NOD2: variants seen among roughly 807,000 people sequenced by gnomAD.
NOD2 encodes the protein nucleotide-binding oligomerization domain-containing protein 2.
Under a neutral mutation model 90.9 loss-of-function variants are expected in NOD2, and 86 were observed. The observed-to-expected ratio is 0.95, with a 90% CI of 0.79 to 1.13. NOD2 has a LOEUF of 1.13. Ranked by LOEUF, NOD2 falls within the 50% of genes most tolerant of loss-of-function variation. The pLI is 0.00. For missense variants in NOD2, 1,238 were observed against 1,283.8 expected, an observed-to-expected ratio of 0.96 and a Z score of 0.55; for synonymous variants, 581 against 554.6, an observed-to-expected ratio of 1.05 and a Z score of -0.67.
intron 1 of NOD2, among the ~76,000 whole-genome samples, chr16:50,698,787 G>A (rs376046558): frequency 2.0e-5 from 3 of 152,314 alleles, no homozygotes; most frequent in East Asian, 1.9e-4. Context: ...GGCACTTGGT[G>A]TGTAGTTTAT....
At chr16:50,722,157 G>T (rs185799967) in intron 7 of NOD2, among the ~76,000 whole-genome samples, 2 of 152,320 alleles carry the variant, frequency 1.3e-5, no homozygotes, top group Admixed American at 1.3e-4. Context: ...AGCTGATGGC[G>T]TGAAGGAATT....
intron 6 of NOD2, among the ~76,000 whole-genome samples, chr16:50,718,321 GGA>G (rs1431647492): frequency 2.0e-5 from 3 of 152,214 alleles, no homozygotes; most frequent in African/African-American, 7.2e-5. Context: ...CTGGATGTCA[GGA>G]GCAGACGATC....
At position 50,722,608 on chromosome 16, in the gene NOD2, T is replaced by C; in HGVS notation, c.2634-14T>C. On this transcript the variant is annotated splice_polypyrimidine_tract_variant and intron_variant, in intron 7 of 11. Transcript: ENST00000647318. ...CTCACTGACACTGTCTGTTGACTCT[T>C]TTGGCCTTTTCAGATTCTGGGGCAA... The C allele has an allele frequency of 1.2e-6, 2 of 1,613,548 alleles. No individual in the cohort carries two copies. The highest frequency in any genetic ancestry group is 1.1e-5 in the South Asian group (1 of 91,068).
Position 50,711,621 on chromosome 16 carries a change from C to T in NOD2, c.1629C>T (p.Leu543=). ...MCCYVFSAQQ[L]QAAQVSPDDI... is the part of the protein sequence containing the mutation. ...GCTACGTGTTCTCAGCCCAGCAGCT[C>T]CAGGCAGCACAGGTCAGCCCTGATG... is the stretch of plus-strand genomic sequence containing the variant. Residue 543 remains leucine (L), a synonymous_variant, in exon 4 of 12, where the codon CTC becomes CTT. Coordinates refer to ENST00000647318, the MANE Select transcript of NOD2 (RefSeq NM_001370466.1). 1 of 1,612,164 alleles carries T rather than the reference C, an allele frequency of 6.2e-7. No individual in the cohort carries two copies.
Position 50,707,991 on chromosome 16 carries a change from G to A in NOD2, c.565+31G>A, listed in dbSNP as rs201146502. ...TGTATGTTCTCAGTTAATCAGAAAGGGAAGGGCAGTCAGTGCAGATCCATG... is the reference window on the plus strand; with the variant it reads ...TGTATGTTCTCAGTTAATCAGAAAGAGAAGGGCAGTCAGTGCAGATCCATG... On this transcript the variant is annotated intron_variant, in intron 3 of 11. Coordinates refer to ENST00000647318, the MANE Select transcript of NOD2 (RefSeq NM_001370466.1). 1.0e-3 allele frequency: 1,511 copies of A among 1,457,034 alleles called. 2 individuals are homozygous for A. Among genetic ancestry groups the A allele is most frequent in the Non-Finnish European group, 1.3e-3 (1,390 of 1,036,866 alleles). The allele number at this position is 1,457,034 out of a possible 1,614,324, so 90.3% of individuals were successfully genotyped here. A position where few individuals can be genotyped will look rare whatever the true frequency, so the allele number is the denominator to read the frequency against.
At chr16:50,694,845 A>G (rs1041598272) in intron 1 of NOD2, among the ~76,000 whole-genome samples, 3 of 152,172 alleles carry the variant, frequency 2.0e-5, no homozygotes, top group African/African-American at 7.2e-5. Context: ...ATGGACAGCA[A>G]TGAAATAAGT....
At chr16:50,725,657 G>T in intron 10 of NOD2, 85 bp downstream of exon 10, 1 of 1,056,292 alleles carries the variant, frequency 9.5e-7, no homozygotes, top group Non-Finnish European at 1.5e-6. Context: ...GCCGCTCTCC[G>T]CTGGGCTAAC....
chr16:50,704,296 C>T (rs891924250), intron 2 of NOD2, among the ~76,000 whole-genome samples: 2 of 152,166 alleles, frequency 1.3e-5, no homozygotes, highest in African/African-American at 4.8e-5. Flanking sequence ...AATCCTATGG[C>T]CTCTTCTTCC....
In NOD2 at chr16:50,699,652, C is replaced by A. The variant is rs370734707; in HGVS notation, c.157C>A (p.Pro53Thr). Residue 53 changes from proline to threonine, a missense_variant, in exon 2 of 12, where the codon CCT becomes ACT. Around this residue, in one of 3 missense-constraint regions of NOD2, gnomAD observed 567 missense variants for 577.3 expected, o/e 0.98. Coordinates refer to ENST00000647318, the MANE Select transcript of NOD2 (RefSeq NM_001370466.1). ...CGAGGGCTTCCACCTCCTGGGCCAG[C>A]CTCTCTCCCACTTGGCCAGGCGCCT... is the stretch of plus-strand genomic sequence containing the variant. Reference protein sequence around the residue: ...DYEGFHLLGQPLSHLARRLLD... With the variant: ...DYEGFHLLGQTLSHLARRLLD... 9.3e-6 allele frequency: 15 copies of A among 1,614,054 alleles called. No individual in the cohort carries two copies. Among genetic ancestry groups the A allele is most frequent in the African/African-American group, 1.3e-5 (1 of 74,928 alleles).
intron 2 of NOD2, among the ~76,000 whole-genome samples, chr16:50,707,233 G>T (rs141173109): frequency 6.6e-6 from 1 of 152,160 alleles, no homozygotes; most frequent in African/African-American, 2.4e-5. Flanking sequence ...ACAGGATTTG[G>T]CAGATTACAG....
intron 2 of NOD2, among the ~76,000 whole-genome samples, chr16:50,706,417 G>C (rs1285142776): frequency 6.6e-6 from 1 of 152,186 alleles, no homozygotes; most frequent in Non-Finnish European, 1.5e-5. Flanking sequence ...TCTGGCTGTG[G>C]CATTAAGGCT....
At chr16:50,726,396 C>T (rs1027933248) in intron 10 of NOD2, among the ~76,000 whole-genome samples, 2 of 152,250 alleles carry the variant, frequency 1.3e-5, no homozygotes, top group African/African-American at 4.8e-5. Flanking sequence ...TGAGTGCCAG[C>T]TTTGCTGCCA....
chr16:50,730,509 C>A (rs1321874262), intron 11 of NOD2, among the ~76,000 whole-genome samples: 4 of 152,226 alleles, frequency 2.6e-5, no homozygotes, highest in Non-Finnish European at 5.9e-5. Flanking sequence ...GGATCTATTT[C>A]TCAGACAATA....
rs140977130 is a variant in NOD2 at position 50,697,256 on chromosome 16, G to C, written c.-8-2232G>C. ...CTAATGGGCTTTGATGGGGGAAGAG[G>C]GTGGTTCAGCCTCTCACGATGAGGA... On this transcript the variant is annotated intron_variant, in intron 1 of 11. Coordinates refer to ENST00000647318, the MANE Select transcript of NOD2 (RefSeq NM_001370466.1). The C allele has an allele frequency of 7.6e-5, 119 of 1,558,032 alleles. No homozygotes were observed. In the African/African-American group the frequency reaches 1.5e-3, roughly 19 times the overall value.
chr16:50,709,265 C>A (rs1567388406), intron 3 of NOD2, among the ~76,000 whole-genome samples: 1 of 152,140 alleles, frequency 6.6e-6, no homozygotes, highest in African/African-American at 2.4e-5. Context: ...CACAGGGCGT[C>A]CCCTTTGTGT....
In NOD2 at chr16:50,697,588, C is replaced by T. The variant is rs1331742813; in HGVS notation, c.-8-1900C>T. On this transcript the variant is annotated intron_variant, in intron 1 of 11. Transcript: ENST00000647318. ...CTTATTCTACCCTTTTTTGTCCTCT[C>T]TTCCCCTGTCCTCGGCCACCCCACC... 7.7e-6 allele frequency: 4 copies of T among 519,216 alleles called. 1 individual carries two copies. Among genetic ancestry groups the T allele is most frequent in the Admixed American group, 3.1e-5 (1 of 32,574 alleles). 32.2% of individuals were successfully genotyped at this position (519,216 alleles called of 1,614,324 possible).
At position 50,729,936 on chromosome 16, in the gene NOD2, G is replaced by A. The variant is rs192882135; in HGVS notation, c.2969+35G>A. ...CTGGGCAGGCCTGTTTTAGCTCTCCGAACCTCAGTTTTTCTATCTGTAAAA... is the reference window on the plus strand; with the variant it reads ...CTGGGCAGGCCTGTTTTAGCTCTCCAAACCTCAGTTTTTCTATCTGTAAAA... On this transcript the variant is annotated intron_variant, in intron 11 of 11. Coordinates refer to ENST00000647318, the MANE Select transcript of NOD2 (RefSeq NM_001370466.1). 144 of 1,518,842 alleles carry A rather than the reference G, an allele frequency of 9.5e-5. No homozygotes were observed. The Admixed American group carries it at 1.4e-3, about 14-fold the overall frequency. The allele number at this position is 1,518,842 out of a possible 1,614,324, so 94.1% of individuals were successfully genotyped here. A position where few individuals can be genotyped will look rare whatever the true frequency, so the allele number is the denominator to read the frequency against.
At position 50,711,482 on chromosome 16, in the gene NOD2, A is replaced by C. The variant is rs756269477; in HGVS notation, c.1490A>C (p.His497Pro). ...CTGATTCTGCAGCATTTTCTGCTGC[A>C]TGCCACCCCCCCAGACTCAGCTTCC... The part of the protein sequence containing the change: ...YLLILQHFLL[H>P]ATPPDSASQG... Residue 497 changes from histidine to proline, a missense_variant, in exon 4 of 12, where the codon CAT becomes CCT. This residue lies in a region of NOD2 where 667 missense variants were observed against 688.7 expected (regional missense o/e 0.97). Coordinates refer to ENST00000647318, the MANE Select transcript of NOD2 (RefSeq NM_001370466.1). 6.2e-7 allele frequency: 1 copy of C among 1,613,238 alleles called. No homozygotes were observed. The highest frequency in any genetic ancestry group is 8.5e-7 in the Non-Finnish European group (1 of 1,179,972).
chr16:50,703,462 A>G (rs906058566), intron 2 of NOD2, among the ~76,000 whole-genome samples: 1 of 151,776 alleles, frequency 6.6e-6, no homozygotes, highest in Non-Finnish European at 1.5e-5. Context: ...ACATGGAGAA[A>G]CCCCGTCTCT....
Sources: allele counts gnomAD v4.1 joint callset (sites outside exome capture counted in the v4.1 genomes callset), GRCh38; gene constraint gnomAD v4.1.1; regional missense constraint gnomAD v4.1.1; transcripts MANE v1.5; gene names NCBI Gene and HGNC (gene_info 2026-07-23, HGNC 2026-07-21).